The following PDGFC variants were observed in gnomAD, a reference collection of about 807,000 sequenced individuals.
PDGFC encodes platelet derived growth factor C, also known as platelet-derived growth factor C.
A neutral mutation model predicts 35.5 loss-of-function variants in PDGFC; 12 were observed. The ratio of observed to expected loss-of-function variants is 0.34; its 90% CI spans 0.22 to 0.55. The LOEUF (loss-of-function observed/expected upper bound fraction) is 0.55, where lower values mean the gene tolerates loss of function less well. PDGFC is among the 20% of genes least tolerant of loss of function. The pLI is 0.91. For missense variants in PDGFC, 322 were observed against 412.4 expected, an observed-to-expected ratio of 0.78 and a Z score of 1.90; for synonymous variants, 159 against 148.8, an observed-to-expected ratio of 1.07 and a Z score of -0.50.
Position 156,836,293 on chromosome 4 carries a change from T to C in PDGFC, c.314+13928A>G, listed in dbSNP as rs75919632. ...CAACATTCAAGTTTCAGTGAATCGG[T>C]AGGCAACTCACAACTATGTAAATCC... On this transcript the variant is annotated intron_variant, in intron 2 of 5. Coordinates refer to ENST00000502773, the MANE Select transcript of PDGFC (RefSeq NM_016205.3). Among the ~76,000 whole-genome samples, 152 of 152,298 alleles carry C rather than the reference T, an allele frequency of 1.0e-3. No individual in the cohort carries two copies. The East Asian group carries it at 0.022, about 22-fold the overall frequency.
At chr4:156,966,969 T>C (rs892504257) in intron 1 of PDGFC, among the ~76,000 whole-genome samples, 2 of 151,846 alleles carry the variant, frequency 1.3e-5, no homozygotes, top group Non-Finnish European at 2.9e-5. Context: ...AATGGCACTG[T>C]ACTTGTTCAA....
At chr4:156,897,345 AGTGTATGT>A (rs1174968550) in intron 1 of PDGFC, among the ~76,000 whole-genome samples, 15 of 86,444 alleles carry the variant, frequency 1.7e-4, no homozygotes, top group African/African-American at 2.8e-4. Context: ...AGTGTGTGAG[AGTGTATGT>A]GTGTGTGTGT....
intron 1 of PDGFC, among the ~76,000 whole-genome samples, chr4:156,916,970 A>G (rs2110826370): frequency 6.6e-6 from 1 of 152,356 alleles, no homozygotes; most frequent in African/African-American, 2.4e-5. Flanking sequence ...CAAAAGCCAC[A>G]GGTTCTGTGA....
intron 1 of PDGFC, among the ~76,000 whole-genome samples, chr4:156,903,990 T>G (rs1438025731): frequency 1.3e-5 from 2 of 152,154 alleles, no homozygotes; most frequent in Non-Finnish European, 2.9e-5. Context: ...TGCTTGTTAG[T>G]ATCCAAAACC....
At chr4:156,960,826 TCA>T (rs1374021952) in intron 1 of PDGFC, among the ~76,000 whole-genome samples, 1 of 152,066 alleles carries the variant, frequency 6.6e-6, no homozygotes, top group Non-Finnish European at 1.5e-5. Flanking sequence ...CAAAGGCAAA[TCA>T]CACTCTAGTA....
Position 156,761,678 on chromosome 4 carries a change from C to G in PDGFC, c.*1412G>C, listed in dbSNP as rs1028041712. ...TCAATACATTTTTGATTCAAATAGT[C>G]ACCACATAACCTAGGCACGATATTA... On this transcript the variant is annotated 3_prime_UTR_variant, in exon 6 of 6. Coordinates refer to ENST00000502773, the MANE Select transcript of PDGFC (RefSeq NM_016205.3). The G allele has an allele frequency of 2.0e-5, 3 of 152,612 alleles. No homozygotes were observed. The highest frequency in any genetic ancestry group is 4.4e-5 in the Non-Finnish European group (3 of 68,036). The allele number at this position is 152,612 out of a possible 1,614,324, so 9.5% of individuals were successfully genotyped here. A position where few individuals can be genotyped will look rare whatever the true frequency, so the allele number is the denominator to read the frequency against.
chr4:156,913,387 T>C (rs181521344), intron 1 of PDGFC, among the ~76,000 whole-genome samples: 127 of 152,234 alleles, frequency 8.3e-4, no homozygotes, highest in African/African-American at 2.9e-3. Flanking sequence ...ACCTGAACCT[T>C]TGTACCAGGC....
intron 3 of PDGFC, among the ~76,000 whole-genome samples, chr4:156,778,504 T>A (rs1230393780): frequency 6.6e-6 from 1 of 152,216 alleles, no homozygotes; most frequent in Non-Finnish European, 1.5e-5. Context: ...TCCACTGTTC[T>A]TTTCAAAAAT....
chr4:156,926,660 C>T (rs1400140609), intron 1 of PDGFC, among the ~76,000 whole-genome samples: 2 of 152,244 alleles, frequency 1.3e-5, no homozygotes, highest in Admixed American at 6.5e-5. Flanking sequence ...CCAGGTCACA[C>T]TGATTCAAGA....
At chr4:156,783,604 C>T (rs190748281) in intron 3 of PDGFC, among the ~76,000 whole-genome samples, 335 of 152,278 alleles carry the variant, frequency 2.2e-3, no homozygotes, top group African/African-American at 7.6e-3. Flanking sequence ...ACACGACTAC[C>T]TCTAAGCTGG....
intron 2 of PDGFC, among the ~76,000 whole-genome samples, chr4:156,835,254 G>A (rs532719953): frequency 3.3e-5 from 5 of 151,902 alleles, no homozygotes; most frequent in South Asian, 2.1e-4. Flanking sequence ...ACCTCACATC[G>A]GTCAGACTGG....
At chr4:156,883,216 AGT>A (rs1730289772) in intron 1 of PDGFC, among the ~76,000 whole-genome samples, 1 of 152,044 alleles carries the variant, frequency 6.6e-6, no homozygotes, top group South Asian at 2.1e-4. Context: ...GCTTTTCTAT[AGT>A]GTTATATTTT....
intron 1 of PDGFC, among the ~76,000 whole-genome samples, chr4:156,929,929 A>G (rs954781637): frequency 2.1e-4 from 32 of 152,136 alleles, no homozygotes; most frequent in African/African-American, 7.7e-4. Context: ...ACAAGTAGAA[A>G]TGTTAAAAAA....
intron 1 of PDGFC, among the ~76,000 whole-genome samples, chr4:156,865,367 T>C (rs570794015): frequency 7.2e-5 from 11 of 152,264 alleles, no homozygotes; most frequent in African/African-American, 2.6e-4. Flanking sequence ...TTCTTTATAT[T>C]ACATAATTTT....
At chr4:156,785,719 A>G (rs1731105812) in intron 3 of PDGFC, among the ~76,000 whole-genome samples, 1 of 152,184 alleles carries the variant, frequency 6.6e-6, no homozygotes, top group Non-Finnish European at 1.5e-5. Context: ...TCTATCAACT[A>G]GGATCAACTT....
At chr4:156,960,066 T>A (rs1357437585) in intron 1 of PDGFC, among the ~76,000 whole-genome samples, 2 of 151,776 alleles carry the variant, frequency 1.3e-5, no homozygotes, top group African/African-American at 4.8e-5. Context: ...TAAAAACCAC[T>A]TTTTAAAGGG....
intron 1 of PDGFC, among the ~76,000 whole-genome samples, chr4:156,872,623 TTAAC>T (rs1730012066): frequency 6.6e-6 from 1 of 152,214 alleles, no homozygotes; most frequent in Admixed American, 6.5e-5. Context: ...TTTCATCTCT[TTAAC>T]TAGATTAGAA....
Position 156,768,947 on chromosome 4 carries a change from T to C in PDGFC, c.704-957A>G, listed in dbSNP as rs890743205. Reference sequence around the variant, plus strand: ...GAATTTATACATATCACATGAATAGTAGGTAATTACTATTAGGATAAAGAC... The same window carrying C: ...GAATTTATACATATCACATGAATAGCAGGTAATTACTATTAGGATAAAGAC... On this transcript the variant is annotated intron_variant, in intron 4 of 5. Transcript: ENST00000502773. Among the ~76,000 whole-genome samples, 5 of 152,010 alleles carry C rather than the reference T, an allele frequency of 3.3e-5. No homozygotes were observed. The South Asian group carries it at 6.2e-4, about 19-fold the overall frequency.
chr4:156,868,564 C>T (rs1476213570), intron 1 of PDGFC, among the ~76,000 whole-genome samples: 33 of 152,260 alleles, frequency 2.2e-4, no homozygotes, highest in Admixed American at 2.0e-3. Flanking sequence ...TCCCAAAATT[C>T]GAAGCATACT....
Sources: allele counts gnomAD v4.1 joint callset (sites outside exome capture counted in the v4.1 genomes callset), GRCh38; gene constraint gnomAD v4.1.1; transcripts MANE v1.5; gene names NCBI Gene and HGNC (gene_info 2026-07-23, HGNC 2026-07-21).